Variants in ECHS1 observed in about 807,000 individuals in gnomAD.
The protein encoded by ECHS1 is enoyl-CoA hydratase, mitochondrial.
Under a neutral mutation model 33.5 loss-of-function variants are expected in ECHS1, and 19 were observed. The ratio of observed to expected loss-of-function variants is 0.57; its 90% CI spans 0.40 to 0.83. The LOEUF (loss-of-function observed/expected upper bound fraction) is 0.83. Among genes scored for constraint, ECHS1 ranks in the 40% least tolerant of loss-of-function variants. The pLI is 0.00. For synonymous variants in ECHS1, 158 were observed against 146.6 expected (o/e 1.08, Z -0.56); for missense variants, 365 against 381.3 (o/e 0.96, Z 0.36).
chr10:133,363,351 G>A (rs377176254), intron 7 of ECHS1, among the ~76,000 whole-genome samples: 69,029 of 124,012 alleles, frequency 0.56, 15,762 homozygotes, highest in South Asian at 0.61. Context: ...AGGTGTGCGC[G>A]CGCGCACACA....
At position 133,362,927 on chromosome 10, in the gene ECHS1, G is replaced by A. The variant is rs772585791; in HGVS notation, c.814C>T (p.Arg272Trp). The stretch of plus-strand genomic sequence containing the variant: ...ACAAACGCGGTCATCCCTTCTTTCC[G>A]GTCATCCTGGCAGGAAAAGGAACAG... ...LFYSTFATDD[R>W]KEGMTAFVEK... The change falls in exon 8 of 8, where the codon CGG (arginine) becomes TGG (tryptophan). Residue 272 changes from arginine (R) to tryptophan (W), a missense_variant. Coordinates refer to ENST00000368547, the MANE Select transcript of ECHS1 (RefSeq NM_004092.4). The A allele has an allele frequency of 1.6e-5, 26 of 1,613,920 alleles. No individual in the cohort carries two copies. The highest frequency in any genetic ancestry group is 1.6e-4 in the Middle Eastern group (1 of 6,084).
At chr10:133,366,801 AG>A in intron 5 of ECHS1, 87 bp downstream of exon 5, 2 of 1,023,210 alleles carry the variant, frequency 2.0e-6, no homozygotes, top group South Asian at 1.3e-5. Context: ...GGCTCCCCCG[AG>A]GGGGACACCT....
rs761774772 is a variant in ECHS1 at position 133,370,707 on chromosome 10, C to T, written c.139G>A (p.Val47Met). The change falls in exon 2 of 8, where the codon GTG (valine) becomes ATG (methionine). Residue 47 changes from valine to methionine, a missense_variant. By Grantham distance (21) the Val-to-Met change is conservative. Coordinates refer to ENST00000368547, the MANE Select transcript of ECHS1 (RefSeq NM_004092.4). ...IAEKRGKNNT[V>M]GLIQLNRPKA... is the part of the protein sequence containing the mutation. Reference sequence around the variant, plus strand: ...GGGCGGTTCAGTTGGATCAACCCCACGGTGTTATTCTTCCCTCTTTTTTCT... The same window carrying T: ...GGGCGGTTCAGTTGGATCAACCCCATGGTGTTATTCTTCCCTCTTTTTTCT... The T allele has an allele frequency of 8.7e-6, 14 of 1,612,936 alleles. No individual in the cohort carries two copies. Among genetic ancestry groups the T allele is most frequent in the East Asian group, 2.2e-5 (1 of 44,850 alleles).
chr10:133,368,476 CT>C (rs941251973), intron 4 of ECHS1, among the ~76,000 whole-genome samples: 1 of 152,052 alleles, frequency 6.6e-6, no homozygotes, highest in Non-Finnish European at 1.5e-5. Context: ...GAGGGTGTTG[CT>C]TTTTGCCAAG....
chr10:133,365,980 A>G lies in ECHS1; in HGVS notation c.735T>C (p.Asn245=). The part of the protein sequence containing the change: ...IVVAMAKESV[N]AAFEMTLTEG... ...TCTTCCTGGCAGATCCCCTACCTGC[A>G]TTCACTGATTCTTTGGCCATCGCTA... The change falls in exon 6 of 8, where the codon AAT becomes AAC. Residue 245 remains asparagine (N), a synonymous_variant. Coordinates refer to ENST00000368547, the MANE Select transcript of ECHS1 (RefSeq NM_004092.4). The G allele has an allele frequency of 6.2e-7, 1 of 1,613,838 alleles. No homozygotes were observed. Among genetic ancestry groups the G allele is most frequent in the Non-Finnish European group, 8.5e-7 (1 of 1,180,000 alleles).
rs879173551 is a variant in ECHS1, at chr10:133,369,122, G to A, written c.415-100C>T. 1.8e-5 allele frequency: 20 copies of A among 1,117,684 alleles called. No individual in the cohort carries two copies. The South Asian group carries it at 2.0e-4, about 11-fold the overall frequency. The allele number at this position is 1,117,684 out of a possible 1,614,324, so 69.2% of individuals were successfully genotyped here. On this transcript the variant is annotated intron_variant, in intron 3 of 7. Coordinates refer to ENST00000368547, the MANE Select transcript of ECHS1 (RefSeq NM_004092.4). ...TTTTCCATTTAAAAGAAACAGTGTTGGGGGTATGACAAAGACTAACATGGT... is the reference window on the plus strand; with the variant it reads ...TTTTCCATTTAAAAGAAACAGTGTTAGGGGTATGACAAAGACTAACATGGT...
rs1428369289 is a variant in ECHS1 at position 133,373,319 on chromosome 10, A to G, written c.15T>C (p.Arg5=). The G allele has an allele frequency of 2.7e-6, 4 of 1,503,506 alleles. No homozygotes were observed. Among genetic ancestry groups the G allele is most frequent in the Non-Finnish European group, 3.5e-6 (4 of 1,132,082 alleles). The allele number at this position is 1,503,506 out of a possible 1,614,324, so 93.1% of individuals were successfully genotyped here. A position where few individuals can be genotyped will look rare whatever the true frequency, so the allele number is the denominator to read the frequency against. Residue 5 remains arginine (R), a synonymous_variant, in exon 1 of 8, where the codon CGT becomes CGC. Coordinates refer to ENST00000368547, the MANE Select transcript of ECHS1 (RefSeq NM_004092.4). MAAL[R]VLLSCVRGPL... The stretch of plus-strand genomic sequence containing the variant: ...GGCCGCGGACGCAGGACAGCAGGAC[A>G]CGCAGGGCGGCCATGGCTCTCTGGA...
chr10:133,370,748 A>G lies in ECHS1; in HGVS notation c.98T>C (p.Phe33Ser). ...TCTTTTTTCTGCGATGATGTACTCA[A>G]AGTTAGCACCTGGAGCAAGAAGGCA... is the stretch of plus-strand genomic sequence containing the variant. ...AWRPFASGANFEYIIAEKRGK... is the reference protein window; with the variant it reads ...AWRPFASGANSEYIIAEKRGK... Residue 33 changes from phenylalanine to serine, a missense_variant, in exon 2 of 8, where the codon TTT becomes TCT. Transcript: ENST00000368547. The G allele has an allele frequency of 6.2e-7, 1 of 1,610,408 alleles. No homozygotes were observed. Among genetic ancestry groups the G allele is most frequent in the Non-Finnish European group, 8.5e-7 (1 of 1,178,636 alleles).
In ECHS1 at chr10:133,365,956, C is replaced by A. The variant is rs774199888; in HGVS notation, c.739+20G>T. 6.8e-6 allele frequency: 11 copies of A among 1,613,250 alleles called. No individual in the cohort carries two copies. The East Asian group carries it at 2.5e-4, about 36-fold the overall frequency. On this transcript the variant is annotated intron_variant, in intron 6 of 7. Transcript: ENST00000368547. ...ACAGCCACGGAGACCTCTCCAGTGT[C>A]TTCCTGGCAGATCCCCTACCTGCAT...
chr10:133,372,089 G>A (rs981631468), intron 1 of ECHS1, among the ~76,000 whole-genome samples: 8 of 152,192 alleles, frequency 5.3e-5, no homozygotes, highest in African/African-American at 7.2e-5. Context: ...ACTGTGCCCC[G>A]CCGTATCCTG....
intron 7 of ECHS1, among the ~76,000 whole-genome samples, chr10:133,363,271 T>A (rs1176265162): frequency 6.6e-6 from 1 of 152,220 alleles, no homozygotes; most frequent in Non-Finnish European, 1.5e-5. Flanking sequence ...GGGGCTACTC[T>A]GTGTTGGAGT....
Position 133,370,042 on chromosome 10 carries a change from T to G in ECHS1, c.287-11A>C. On this transcript the variant is annotated splice_polypyrimidine_tract_variant and intron_variant, in intron 2 of 7. Coordinates refer to ENST00000368547, the MANE Select transcript of ECHS1 (RefSeq NM_004092.4). ...TGATATCAGCTCCAGCTAGCAGGAGTGGAAAGGAGGTTCCAGTTACCAGAG... is the reference window on the plus strand; with the variant it reads ...TGATATCAGCTCCAGCTAGCAGGAGGGGAAAGGAGGTTCCAGTTACCAGAG... 1 of 1,612,736 alleles carries G rather than the reference T, an allele frequency of 6.2e-7. No individual in the cohort carries two copies. The highest frequency in any genetic ancestry group is 8.5e-7 in the Non-Finnish European group (1 of 1,179,696).
intron 7 of ECHS1, among the ~76,000 whole-genome samples, chr10:133,363,181 G>A (rs776525153): frequency 3.3e-5 from 5 of 152,216 alleles, no homozygotes; most frequent in Non-Finnish European, 7.3e-5. Context: ...TGTCCAACAA[G>A]CTCACATCTA....
Position 133,370,701 on chromosome 10 carries a change from AC to A in ECHS1, c.144del (p.Leu49Ter), listed in dbSNP as rs763063200. 1.2e-6 allele frequency: 2 copies of A among 1,612,952 alleles called. No individual in the cohort carries two copies. The highest frequency in any genetic ancestry group is 1.7e-6 in the Non-Finnish European group (2 of 1,179,720). ...GCCTTGGGGCGGTTCAGTTGGATCA[AC>A]CCCACGGTGTTATTCTTCCCTCTTT... Reference protein sequence around the residue: ...AEKRGKNNTVGLIQLNRPKAL... With the variant: ...AEKRGKNNTVXLIQLNRPKAL... On this transcript the variant is annotated frameshift_variant, in exon 2 of 8. Transcript: ENST00000368547. LOFTEE classifies it high-confidence loss of function.
At chr10:133,367,130 C>T in intron 4 of ECHS1, 137 bp from the exon 5 acceptor site, 2 of 660,896 alleles carry the variant, frequency 3.0e-6, no homozygotes, top group Non-Finnish European at 5.3e-6. Context: ...CCAGGCAGCA[C>T]AAGAGCCCGG....
intron 7 of ECHS1, among the ~76,000 whole-genome samples, chr10:133,364,222 G>A (rs1281067293): frequency 6.6e-6 from 1 of 152,212 alleles, no homozygotes; most frequent in Non-Finnish European, 1.5e-5. Context: ...TGGGATTACA[G>A]GGTGAGCCAC....
intron 1 of ECHS1, 30 bp from the exon 2 acceptor site, chr10:133,370,787 A>G (rs753198060): frequency 1.3e-6 from 2 of 1,591,884 alleles, no homozygotes; most frequent in Non-Finnish European, 1.7e-6. Context: ...AGGGGTATCT[A>G]TTCACACAGG....
Position 133,367,932 on chromosome 10 carries a change from G to C in ECHS1, c.515-939C>G, listed in dbSNP as rs191269912. On this transcript the variant is annotated intron_variant, in intron 4 of 7. Coordinates refer to ENST00000368547, the MANE Select transcript of ECHS1 (RefSeq NM_004092.4). The stretch of plus-strand genomic sequence containing the variant: ...CTTGCTTCACCTTGTCAATCACTTA[G>C]AGGATTCACCGTCCTCACCCTGCCC... Among the ~76,000 whole-genome samples, 1,024 of 152,254 alleles carry C rather than the reference G, an allele frequency of 6.7e-3. 18 individuals are homozygous for C. Among genetic ancestry groups the C allele is most frequent in the African/African-American group, 0.023 (976 of 41,538 alleles).
At chr10:133,369,287 G>A (rs1041454154) in intron 3 of ECHS1, among the ~76,000 whole-genome samples, 143 of 152,280 alleles carry the variant, frequency 9.4e-4, no homozygotes, top group African/African-American at 3.4e-3. Flanking sequence ...TGCTGTGGCC[G>A]AAATGCAGCC....
Sources: allele counts gnomAD v4.1 joint callset (sites outside exome capture counted in the v4.1 genomes callset), GRCh38; gene constraint gnomAD v4.1.1; transcripts MANE v1.5; gene names NCBI Gene and HGNC (gene_info 2026-07-23, HGNC 2026-07-21).